Variants in TCF7L2 observed in about 807,000 individuals in gnomAD.
TCF7L2 encodes transcription factor 7-like 2.
A neutral mutation model predicts 77.9 loss-of-function variants in TCF7L2; 23 were observed. The observed-to-expected ratio is 0.30, with a 90% CI of 0.21 to 0.42. TCF7L2 has a LOEUF of 0.42. TCF7L2 is among the 10% of genes least tolerant of loss of function. TCF7L2 has a pLI of 1.00. For synonymous variants in TCF7L2, 413 were observed against 340.2 expected, an observed-to-expected ratio of 1.21 and a Z score of -2.36; for missense variants, 654 against 793.1, an observed-to-expected ratio of 0.82 and a Z score of 2.11.
At chr10:113,117,842 C>T (rs918634177) in intron 5 of TCF7L2, among the ~76,000 whole-genome samples, 13 of 152,280 alleles carry the variant, frequency 8.5e-5, no homozygotes, top group Non-Finnish European at 1.8e-4. Context: ...CGGGGTGTAG[C>T]TGCTGTTTCT....
At chr10:113,048,179 G>A (rs1030719889) in intron 5 of TCF7L2, among the ~76,000 whole-genome samples, 9 of 152,128 alleles carry the variant, frequency 5.9e-5, no homozygotes, top group African/African-American at 2.2e-4. Context: ...TTTACGAAGC[G>A]TGGGAGCCTG....
chr10:113,165,014 G>A (rs146388399), intron 13 of TCF7L2, among the ~76,000 whole-genome samples: 46 of 152,138 alleles, frequency 3.0e-4, no homozygotes, highest in African/African-American at 7.5e-4. Context: ...GATACGAGGC[G>A]GCTGGGGAAG....
chr10:112,956,344 CTTTTTT>C (rs10711698), intron 3 of TCF7L2, among the ~76,000 whole-genome samples: 9 of 112,234 alleles, frequency 8.0e-5, no homozygotes, highest in Middle Eastern at 4.7e-3. Flanking sequence ...AGTGATTTAC[CTTTTTT>C]TTTTTTTTTT....
At chr10:113,023,044 T>C (rs6585202) in intron 4 of TCF7L2, among the ~76,000 whole-genome samples, 79,249 of 152,016 alleles carry the variant, frequency 0.52, 22,986 homozygotes, top group African/African-American at 0.76. Flanking sequence ...GGCTCAGTAG[T>C]CCAAAGGGAA....
intron 5 of TCF7L2, among the ~76,000 whole-genome samples, chr10:113,109,678 A>G (rs1264201632): frequency 6.6e-6 from 1 of 152,242 alleles, no homozygotes; most frequent in Non-Finnish European, 1.5e-5. Context: ...GGCATGAGCC[A>G]CTGTGCTGGC....
At chr10:112,981,052 GTGTCC>G (rs2040392590) in intron 4 of TCF7L2, among the ~76,000 whole-genome samples, 1 of 152,212 alleles carries the variant, frequency 6.6e-6, no homozygotes, top group South Asian at 2.1e-4. Flanking sequence ...AGATTTGAAA[GTGTCC>G]CTAAGCTAAG....
At chr10:112,960,540 T>A (rs1455850834) in intron 3 of TCF7L2, among the ~76,000 whole-genome samples, 1 of 152,088 alleles carries the variant, frequency 6.6e-6, no homozygotes, top group Non-Finnish European at 1.5e-5. Flanking sequence ...CCCTGGGTAC[T>A]CCAGGCAGGG....
intron 7 of TCF7L2, among the ~76,000 whole-genome samples, chr10:113,145,363 A>G (rs1391848169): frequency 1.3e-5 from 2 of 152,182 alleles, no homozygotes; most frequent in Non-Finnish European, 2.9e-5. Context: ...GCCAACTCAG[A>G]CAACCCTCTG....
chr10:113,142,998 T>A (rs1564954467), intron 6 of TCF7L2, among the ~76,000 whole-genome samples: 1 of 152,218 alleles, frequency 6.6e-6, no homozygotes, highest in African/African-American at 2.4e-5. Context: ...ATGAATTTTT[T>A]AAAAAATGAA....
chr10:113,152,935 G>A (rs1412140102), intron 11 of TCF7L2, among the ~76,000 whole-genome samples: 1 of 152,180 alleles, frequency 6.6e-6, no homozygotes, highest in African/African-American at 2.4e-5. Context: ...TTGTGCCATG[G>A]TGCAGTAGAA....
Position 113,167,104 on chromosome 10 carries a change from T to G in TCF7L2, c.*1132T>G, listed in dbSNP as rs1299183104. On this transcript the variant is annotated 3_prime_UTR_variant, in exon 14 of 14. Transcript: ENST00000627217. ...TTCTCAGTGAATTTAGCTTTCTCCC[T>G]CTTTTTGATGCTGTAATTTTTGTTC... 1.3e-5 allele frequency: 3 copies of G among 229,976 alleles called. No homozygotes were observed. Among genetic ancestry groups the G allele is most frequent in the Non-Finnish European group, 1.7e-5 (2 of 116,136 alleles). The allele number at this position is 229,976 out of a possible 1,614,324, so 14.2% of individuals were successfully genotyped here. A position where few individuals can be genotyped will look rare whatever the true frequency, so the allele number is the denominator to read the frequency against.
At chr10:113,060,913 C>T (rs968080663) in intron 5 of TCF7L2, among the ~76,000 whole-genome samples, 1 of 152,092 alleles carries the variant, frequency 6.6e-6, no homozygotes, top group Admixed American at 6.5e-5. Context: ...GGAGTCCTGG[C>T]TGCCTCAGAA....
intron 8 of TCF7L2, among the ~76,000 whole-genome samples, 188 bp from the exon 9 acceptor site, chr10:113,150,810 T>A (rs1022027502): frequency 6.6e-6 from 1 of 152,234 alleles, no homozygotes; most frequent in Non-Finnish European, 1.5e-5. Flanking sequence ...TGAATTGGCT[T>A]TAATGACATT....
chr10:113,087,051 G>C (rs182773167), intron 5 of TCF7L2, among the ~76,000 whole-genome samples: 6 of 152,256 alleles, frequency 3.9e-5, no homozygotes, highest in Admixed American at 1.3e-4. Context: ...ATAAGGTGGG[G>C]AATAAGGTTA....
intron 4 of TCF7L2, among the ~76,000 whole-genome samples, chr10:112,992,387 A>G (rs985174820): frequency 2.0e-5 from 3 of 152,188 alleles, no homozygotes; most frequent in Non-Finnish European, 4.4e-5. Flanking sequence ...AGACACCCAG[A>G]CCCGACAGAG....
intron 5 of TCF7L2, among the ~76,000 whole-genome samples, chr10:113,049,391 G>A (rs968726113): frequency 6.6e-6 from 1 of 151,980 alleles, no homozygotes; most frequent in Non-Finnish European, 1.5e-5. Flanking sequence ...GGGTGGCATC[G>A]TCGATTGCTC....
rs1343122900 is a variant in TCF7L2, at chr10:112,950,399, G to A, written c.-358G>A. The A allele has an allele frequency of 8.5e-6, 2 of 236,484 alleles. No homozygotes were observed. The highest frequency in any genetic ancestry group is 6.1e-5 in the African/African-American group (2 of 32,578). The allele number at this position is 236,484 out of a possible 1,614,324, so 14.6% of individuals were successfully genotyped here. A position where few individuals can be genotyped will look rare whatever the true frequency, so the allele number is the denominator to read the frequency against. ...CGGCACGAGCACCTCCTGTATCTTC[G>A]GCTTCCCCCCCCCTTTGCTCTTTAT... On this transcript the variant is annotated 5_prime_UTR_variant, in exon 1 of 14. Transcript: ENST00000627217.
At chr10:112,961,564 G>GA (rs2035245026) in intron 3 of TCF7L2, among the ~76,000 whole-genome samples, 1 of 152,128 alleles carries the variant, frequency 6.6e-6, no homozygotes. Context: ...TACAGGGAAG[G>GA]AAAAAGCAGT....
intron 3 of TCF7L2, among the ~76,000 whole-genome samples, chr10:112,953,428 C>G (rs919207857): frequency 1.3e-5 from 2 of 152,086 alleles, no homozygotes; most frequent in Non-Finnish European, 2.9e-5. Context: ...GCATCTTAAA[C>G]GGGACCGTTC....
Sources: allele counts gnomAD v4.1 joint callset (sites outside exome capture counted in the v4.1 genomes callset), GRCh38; gene constraint gnomAD v4.1.1; transcripts MANE v1.5; gene names NCBI Gene and HGNC (gene_info 2026-07-23, HGNC 2026-07-21).